The following HPSE variants were observed in gnomAD, a reference collection of about 807,000 sequenced individuals.
The protein encoded by HPSE is endo-glucoronidase.
HPSE carries 48 observed loss-of-function variants against 65.1 expected under a neutral mutation model. The ratio of observed to expected loss-of-function variants is 0.74; its 90% CI spans 0.58 to 0.94. The LOEUF (loss-of-function observed/expected upper bound fraction) is 0.94. Among genes scored for constraint, HPSE ranks in the 40% least tolerant of loss-of-function variants. The pLI is 0.00. For missense variants in HPSE, 644 were observed against 637.5 expected, an observed-to-expected ratio of 1.01 and a Z score of -0.11; for synonymous variants, 243 against 260.0, an observed-to-expected ratio of 0.93 and a Z score of 0.63.
rs1404558912 is a variant in HPSE, at chr4:83,293,888, CG to C, written c.*1455del. The stretch of plus-strand genomic sequence containing the variant: ...AGTTTCTCTTTTACAACCAGTTTCA[CG>C]GTAACGGCAGTATGCTTTTTCTGAT... On this transcript the variant is annotated 3_prime_UTR_variant, in exon 12 of 12. Coordinates refer to ENST00000311412, the MANE Select transcript of HPSE (RefSeq NM_001098540.3). 1 of 152,162 alleles carries C rather than the reference CG, an allele frequency of 6.6e-6. No homozygotes were observed. The allele number at this position is 152,162 out of a possible 1,614,324, so 9.4% of individuals were successfully genotyped here. A position where few individuals can be genotyped will look rare whatever the true frequency, so the allele number is the denominator to read the frequency against.
Position 83,322,203 on chromosome 4 carries a change from C to T in HPSE, c.373+16G>A. ...ACGTTAATTAAAATATAGAGTGAAT[C>T]TTTAAAAATTTTCACCCTGGTTGAC... is the stretch of plus-strand genomic sequence containing the variant. On this transcript the variant is annotated intron_variant, in intron 2 of 11. Coordinates refer to ENST00000311412, the MANE Select transcript of HPSE (RefSeq NM_001098540.3). 6.2e-7 allele frequency: 1 copy of T among 1,606,958 alleles called. No individual in the cohort carries two copies. Among genetic ancestry groups the T allele is most frequent in the South Asian group, 1.1e-5 (1 of 90,422 alleles).
chr4:83,309,474 A>C lies in HPSE; in HGVS notation c.912T>G (p.Thr304=). The C allele has an allele frequency of 1.9e-6, 3 of 1,562,414 alleles. No individual in the cohort carries two copies. Among genetic ancestry groups the C allele is most frequent in the Non-Finnish European group, 1.8e-6 (2 of 1,140,128 alleles). ...TWHHYYLNGR[T]ATKEDFLNPD... ...GGTTTAGAAAATCTTCCTTGGTAGC[A>C]GTCCGTCCATTCAAATAGTAGCTAA... is the stretch of plus-strand genomic sequence containing the variant. The change falls in exon 7 of 12, where the codon ACT becomes ACG. Residue 304 remains threonine (T), a synonymous_variant. Coordinates refer to ENST00000311412, the MANE Select transcript of HPSE (RefSeq NM_001098540.3).
intron 3 of HPSE, among the ~76,000 whole-genome samples, chr4:83,314,980 AC>A (rs1435661267): frequency 6.6e-6 from 1 of 151,896 alleles, no homozygotes; most frequent in Non-Finnish European, 1.5e-5. Flanking sequence ...ATATGGTGAA[AC>A]CCCGTCTCTA....
intron 2 of HPSE, among the ~76,000 whole-genome samples, chr4:83,321,784 A>G (rs910036302): frequency 1.3e-5 from 2 of 152,222 alleles, no homozygotes; most frequent in African/African-American, 4.8e-5. Flanking sequence ...GTTGGAGCCC[A>G]GAAGTCCACA....
In HPSE at chr4:83,300,814, C is replaced by CA. The variant is rs746396316; in HGVS notation, c.1472+145dup. 6.8e-3 allele frequency: 57 copies of CA among 8,420 alleles called. 8 individuals are homozygous for CA. The highest frequency in any genetic ancestry group is 0.014 in the South Asian group (1 of 72). 0.5% of individuals were successfully genotyped at this position (8,420 alleles called of 1,614,324 possible). On this transcript the variant is annotated intron_variant, in intron 11 of 11. Coordinates refer to ENST00000311412, the MANE Select transcript of HPSE (RefSeq NM_001098540.3). ...TGGGCGACAGAGCGAGACTCCGTCT[C>CA]AAAAAAAAAAAAAAAAAAAAAAAAA...
chr4:83,321,730 A>C (rs1303438320), intron 2 of HPSE, among the ~76,000 whole-genome samples: 1 of 152,220 alleles, frequency 6.6e-6, no homozygotes, highest in African/African-American at 2.4e-5. Flanking sequence ...ACAGCCTTTC[A>C]ATATCAGAAT....
chr4:83,300,505 G>A (rs4693076), intron 11 of HPSE, among the ~76,000 whole-genome samples: 94,301 of 147,990 alleles, frequency 0.64, 32,110 homozygotes, highest in East Asian at 0.87. Flanking sequence ...GACTCTTAGG[G>A]TGAGTTATAC....
At chr4:83,318,545 C>A (rs114030291) in intron 3 of HPSE, among the ~76,000 whole-genome samples, 3 of 151,806 alleles carry the variant, frequency 2.0e-5, no homozygotes. Context: ...ATAATATGAT[C>A]GGGGGTAATA....
intron 9 of HPSE, among the ~76,000 whole-genome samples, chr4:83,303,932 T>A (rs1038180030): frequency 1.3e-5 from 2 of 152,170 alleles, no homozygotes; most frequent in African/African-American, 2.4e-5. Flanking sequence ...TTAAACAAGA[T>A]CAAAGTATGC....
chr4:83,328,682 C>CGCT lies in HPSE; in HGVS notation c.227+5873_227+5874insAGC, dbSNP rs1243899178. On this transcript the variant is annotated intron_variant, in intron 1 of 11. Transcript: ENST00000311412. ...GGGCAGAACAGGAAGAACAGGCTGCCGAGGGGAGGGAAGAAACGGGGTGGT... is the reference window on the plus strand; with the variant it reads ...GGGCAGAACAGGAAGAACAGGCTGCCGCTGAGGGGAGGGAAGAAACGGGGTGGT... Among the ~76,000 whole-genome samples, 8 of 151,750 alleles carry CGCT rather than the reference C, an allele frequency of 5.3e-5. No homozygotes were observed. The South Asian group carries it at 1.3e-3, about 24-fold the overall frequency.
intron 1 of HPSE, among the ~76,000 whole-genome samples, chr4:83,325,172 T>C (rs1254001431): frequency 1.5e-5 from 2 of 136,780 alleles, no homozygotes; most frequent in African/African-American, 5.6e-5. Context: ...TGTGTGTGTG[T>C]GTGTGTGTGT....
intron 9 of HPSE, among the ~76,000 whole-genome samples, chr4:83,305,362 A>G (rs1736110962): frequency 6.6e-6 from 1 of 152,216 alleles, no homozygotes; most frequent in Non-Finnish European, 1.5e-5. Context: ...TTTTCTAAAA[A>G]AAGATGACTA....
intron 1 of HPSE, among the ~76,000 whole-genome samples, chr4:83,324,679 A>T (rs1375037891): frequency 6.6e-6 from 1 of 152,208 alleles, no homozygotes; most frequent in Non-Finnish European, 1.5e-5. Context: ...CGGCTAAATA[A>T]ATGGAAATGC....
chr4:83,295,560 G>C, intron 11 of HPSE, 57 bp from the exon 12 acceptor site: 1 of 1,351,898 alleles, frequency 7.4e-7, no homozygotes, highest in Non-Finnish European at 9.9e-7. Context: ...CACCCATGCT[G>C]CTACAAAAGT....
In HPSE at chr4:83,306,252, A is replaced by G. The variant is rs750178199; in HGVS notation, c.1157T>C (p.Phe386Ser). Reference protein sequence around the residue: ...GIEVVMRQVFFGAGNYHLVDE... With the variant: ...GIEVVMRQVFSGAGNYHLVDE... Reference sequence around the variant, plus strand: ...CACTAAATGGTAGTTTCCTGCTCCAAAGAATACTTGCCTCATCACCACTTC... The same window carrying G: ...CACTAAATGGTAGTTTCCTGCTCCAGAGAATACTTGCCTCATCACCACTTC... Residue 386 changes from phenylalanine (F) to serine (S), a missense_variant, in exon 9 of 12, where the codon TTT becomes TCT. Phe to Ser is a radical substitution (Grantham distance 155, BLOSUM62 -2). Coordinates refer to ENST00000311412, the MANE Select transcript of HPSE (RefSeq NM_001098540.3). The G allele has an allele frequency of 1.4e-5, 23 of 1,613,914 alleles. No individual in the cohort carries two copies. Among genetic ancestry groups the G allele is most frequent in the Middle Eastern group, 3.3e-4 (2 of 6,062 alleles).
chr4:83,294,482 A>C lies in HPSE; in HGVS notation c.*862T>G, dbSNP rs954184171. ...GTAACATCAAATGATCTCCTGCTGT[A>C]CCATGCTGTACTCCCAAAGAAATCC... On this transcript the variant is annotated 3_prime_UTR_variant, in exon 12 of 12. Transcript: ENST00000311412. 6.6e-6 allele frequency: 1 copy of C among 152,288 alleles called. No individual in the cohort carries two copies. Among genetic ancestry groups the C allele is most frequent in the African/African-American group, 2.4e-5 (1 of 41,472 alleles). 9.4% of individuals were successfully genotyped at this position (152,288 alleles called of 1,614,324 possible).
Position 83,295,261 on chromosome 4 carries a change from A to G in HPSE, c.*83T>C, listed in dbSNP as rs548047868. 1.2e-4 allele frequency: 144 copies of G among 1,219,646 alleles called. No homozygotes were observed. The highest frequency in any genetic ancestry group is 1.1e-3 in the East Asian group (46 of 42,306). The allele number at this position is 1,219,646 out of a possible 1,614,324, so 75.6% of individuals were successfully genotyped here. A position where few individuals can be genotyped will look rare whatever the true frequency, so the allele number is the denominator to read the frequency against. On this transcript the variant is annotated 3_prime_UTR_variant, in exon 12 of 12. Transcript: ENST00000311412. ...GCACCCACTAGTTGCTTTGCAAGGTATCTGCTTCCTTTCCTATAACTTGAG... is the reference window on the plus strand; with the variant it reads ...GCACCCACTAGTTGCTTTGCAAGGTGTCTGCTTCCTTTCCTATAACTTGAG...
chr4:83,306,403 GTATTTATTTATTTACT>G (rs1264276360), intron 8 of HPSE, 86 bp from the exon 9 acceptor site: 11 of 679,142 alleles, frequency 1.6e-5, no homozygotes, highest in South Asian at 1.4e-4. Context: ...TTTTATTTAT[GTATTTATTTATTTACT>G]TATTTATTTA....
Position 83,334,719 on chromosome 4 carries a change from C to G in HPSE, c.64G>C (p.Gly22Arg), listed in dbSNP as rs1049621231. The change falls in exon 1 of 12, where the codon GGT becomes CGT. Residue 22 changes from glycine (G) to arginine (R), a missense_variant. Transcript: ENST00000311412. Reference protein sequence around the residue: ...PLMLLLLGPLGPLSPGALPRP... With the variant: ...PLMLLLLGPLRPLSPGALPRP... ...GGCAGGGCGCCAGGGGAGAGGGGACCCAGCGGCCCCAGGAGCAGCAGCATC... is the reference window on the plus strand; with the variant it reads ...GGCAGGGCGCCAGGGGAGAGGGGACGCAGCGGCCCCAGGAGCAGCAGCATC... 1.3e-6 allele frequency: 2 copies of G among 1,563,658 alleles called. No individual in the cohort carries two copies. Among genetic ancestry groups the G allele is most frequent in the African/African-American group, 2.7e-5 (2 of 73,658 alleles).
Sources: gnomAD v4.1 joint callset for allele counts (sites outside exome capture counted in the v4.1 genomes callset) on GRCh38, gnomAD v4.1.1 for gene constraint, MANE v1.5 for transcripts, NCBI Gene and HGNC (gene_info 2026-07-23, HGNC 2026-07-21) for gene names.